Variants in UBQLN1 observed in about 807,000 individuals in gnomAD.
The protein encoded by UBQLN1 is ubiquilin 1.
Under a neutral mutation model 65.4 loss-of-function variants are expected in UBQLN1, and 13 were observed. The ratio of observed to expected loss-of-function variants is 0.20; its 90% CI spans 0.13 to 0.32. The LOEUF (loss-of-function observed/expected upper bound fraction) is 0.32. Among genes scored for constraint, UBQLN1 ranks in the 10% least tolerant of loss-of-function variants. The pLI is 1.00. For missense variants in UBQLN1, 561 were observed against 724.0 expected (o/e 0.77, Z 2.58); for synonymous variants, 267 against 247.8 (o/e 1.08, Z -0.73).
chr9:83,686,832 T>C (rs970919298), intron 1 of UBQLN1, among the ~76,000 whole-genome samples: 7 of 152,032 alleles, frequency 4.6e-5, no homozygotes, highest in Admixed American at 2.6e-4. Flanking sequence ...GAAATGCTCA[T>C]TGGAGCATTT....
chr9:83,678,874 C>T (rs905318027), intron 4 of UBQLN1, among the ~76,000 whole-genome samples: 8 of 152,148 alleles, frequency 5.3e-5, no homozygotes, highest in African/African-American at 7.2e-5. Context: ...CCCGCCACCA[C>T]GCCCCGCTAA....
Position 83,707,835 on chromosome 9 carries a change from G to T in UBQLN1, c.-156C>A, listed in dbSNP as rs113921411. ...CGGGCGCAGGGCCACCGTAGCGGGTGTGGGGCCCCGGAGCTCGGTGCAGGC... is the reference window on the plus strand; with the variant it reads ...CGGGCGCAGGGCCACCGTAGCGGGTTTGGGGCCCCGGAGCTCGGTGCAGGC... On this transcript the variant is annotated 5_prime_UTR_variant, in exon 1 of 11. Transcript: ENST00000376395. 5.1e-3 allele frequency: 6,079 copies of T among 1,182,804 alleles called. 202 individuals are homozygous for T. The African/African-American group carries it at 0.075, about 15-fold the overall frequency. The allele number at this position is 1,182,804 out of a possible 1,614,324, so 73.3% of individuals were successfully genotyped here.
In UBQLN1 at chr9:83,661,639, T is replaced by G. The variant is rs940141893; in HGVS notation, c.*148A>C. ...AAAATACAGAAAAACCCACACATCTTACTGTACTCCACCTTAAAATGCATC... is the reference window on the plus strand; with the variant it reads ...AAAATACAGAAAAACCCACACATCTGACTGTACTCCACCTTAAAATGCATC... On this transcript the variant is annotated 3_prime_UTR_variant, in exon 11 of 11. Transcript: ENST00000376395. The G allele has an allele frequency of 3.8e-6, 3 of 784,818 alleles. No homozygotes were observed. Among genetic ancestry groups the G allele is most frequent in the Middle Eastern group, 8.0e-4 (2 of 2,488 alleles). The allele number at this position is 784,818 out of a possible 1,614,324, so 48.6% of individuals were successfully genotyped here.
chr9:83,678,207 G>T (rs1052924382), intron 5 of UBQLN1, among the ~76,000 whole-genome samples: 1 of 152,012 alleles, frequency 6.6e-6, no homozygotes, highest in African/African-American at 2.4e-5. Flanking sequence ...ATTTTTAGTA[G>T]AGACGGGATT....
At chr9:83,707,046 C>G (rs1832420911) in intron 1 of UBQLN1, among the ~76,000 whole-genome samples, 3 of 152,144 alleles carry the variant, frequency 2.0e-5, no homozygotes, top group Non-Finnish European at 4.4e-5. Context: ...CCTTAACAAG[C>G]AGGCACGTAA....
chr9:83,696,736 T>A (rs1479276962), intron 1 of UBQLN1, among the ~76,000 whole-genome samples: 1 of 152,172 alleles, frequency 6.6e-6, no homozygotes, highest in African/African-American at 2.4e-5. Context: ...GTCTACTCAG[T>A]GTGTGCCCAG....
At chr9:83,691,263 G>A (rs1387544844) in intron 1 of UBQLN1, among the ~76,000 whole-genome samples, 1 of 152,074 alleles carries the variant, frequency 6.6e-6, no homozygotes, top group Non-Finnish European at 1.5e-5. Flanking sequence ...AGAGAACTTA[G>A]TTTTAGGTAG....
chr9:83,665,473 C>A, intron 8 of UBQLN1: 1 of 211,266 alleles, frequency 4.7e-6, no homozygotes, highest in Non-Finnish European at 9.3e-6. Context: ...CCTCCAAAGG[C>A]ACAATTCTTA....
intron 7 of UBQLN1, chr9:83,667,934 G>C (rs1215953997): frequency 9.1e-6 from 9 of 983,926 alleles, no homozygotes; most frequent in Admixed American, 6.1e-5. Flanking sequence ...TAAAAAAATA[G>C]TATGTGAGTG....
At chr9:83,675,341 C>T (rs1359015067) in intron 6 of UBQLN1, among the ~76,000 whole-genome samples, 1 of 152,102 alleles carries the variant, frequency 6.6e-6, no homozygotes. Context: ...AATGCTTATG[C>T]ATGAATTCAA....
Position 83,707,943 on chromosome 9 carries a change from CCG to C in UBQLN1, c.-266_-265del, listed in dbSNP as rs1454364673. The C allele has an allele frequency of 2.0e-6, 1 of 503,386 alleles. No individual in the cohort carries two copies. The highest frequency in any genetic ancestry group is 3.4e-6 in the Non-Finnish European group (1 of 291,726). 31.2% of individuals were successfully genotyped at this position (503,386 alleles called of 1,614,324 possible). ...CTCACACCGACATCCGCAGCAGCCACCGCTTCCTCCTCCCTGCCCCTTCCCCC... is the reference window on the plus strand; with the variant it reads ...CTCACACCGACATCCGCAGCAGCCACCTTCCTCCTCCCTGCCCCTTCCCCC... On this transcript the variant is annotated 5_prime_UTR_variant, in exon 1 of 11. Coordinates refer to ENST00000376395, the MANE Select transcript of UBQLN1 (RefSeq NM_013438.5).
At chr9:83,676,860 T>C (rs780834056) in intron 6 of UBQLN1, among the ~76,000 whole-genome samples, 31 of 152,218 alleles carry the variant, frequency 2.0e-4, no homozygotes, top group Non-Finnish European at 3.7e-4. Flanking sequence ...CTATGGCTAA[T>C]GATCTTGGAC....
intron 10 of UBQLN1, among the ~76,000 whole-genome samples, chr9:83,662,649 A>C (rs549767655): frequency 6.6e-6 from 1 of 152,340 alleles, no homozygotes; most frequent in African/African-American, 2.4e-5. Context: ...AATACTCCAA[A>C]TCCTTCTTTC....
At chr9:83,683,286 C>T (rs1482066753) in intron 2 of UBQLN1, among the ~76,000 whole-genome samples, 1 of 152,014 alleles carries the variant, frequency 6.6e-6, no homozygotes, top group Non-Finnish European at 1.5e-5. Context: ...ATGGCGAGTG[C>T]CTATAGTCCC....
At chr9:83,671,914 C>T (rs1047228406) in intron 6 of UBQLN1, among the ~76,000 whole-genome samples, 1 of 152,232 alleles carries the variant, frequency 6.6e-6, no homozygotes, top group African/African-American at 2.4e-5. Flanking sequence ...ACATTAAAAA[C>T]TGGTTGTTTC....
intron 1 of UBQLN1, among the ~76,000 whole-genome samples, chr9:83,698,052 A>T (rs191751694): frequency 2.4e-3 from 370 of 152,216 alleles, no homozygotes; most frequent in African/African-American, 8.3e-3. Context: ...TTCATTTTTT[A>T]AAAAAAGGAT....
chr9:83,665,032 T>G lies in UBQLN1; in HGVS notation c.1446A>C (p.Pro482=), dbSNP rs777838391. 1.0e-5 allele frequency: 16 copies of G among 1,607,512 alleles called. No homozygotes were observed. Among genetic ancestry groups the G allele is most frequent in the Non-Finnish European group, 1.4e-5 (16 of 1,176,658 alleles). Residue 482 remains proline (P), a splice_region_variant and synonymous_variant, in exon 9 of 11, where the codon CCA becomes CCC. Transcript: ENST00000376395. ...TTATCTTCCCCAAATAAGCCTACCC[T>G]GGGATGAGGCCCGGGGCTTCCGTTG... is the stretch of plus-strand genomic sequence containing the variant. The part of the protein sequence containing the change: ...TLATEAPGLI[P]GFTPGLGALG...
intron 2 of UBQLN1, among the ~76,000 whole-genome samples, chr9:83,685,027 T>C (rs1159027417): frequency 1.3e-5 from 2 of 152,194 alleles, no homozygotes; most frequent in East Asian, 1.9e-4. Flanking sequence ...TTCAACTGAA[T>C]GCCTGGGTAC....
At chr9:83,704,740 T>G (rs1189444112) in intron 1 of UBQLN1, among the ~76,000 whole-genome samples, 2 of 144,522 alleles carry the variant, frequency 1.4e-5, no homozygotes, top group Non-Finnish European at 3.0e-5. Context: ...GGTGGGAGAA[T>G]CCTTGAACCC....
Sources: gnomAD v4.1 joint callset for allele counts (sites outside exome capture counted in the v4.1 genomes callset) on GRCh38, gnomAD v4.1.1 for gene constraint, MANE v1.5 for transcripts, NCBI Gene and HGNC (gene_info 2026-07-23, HGNC 2026-07-21) for gene names.